Variants in PHTF2 observed in about 807,000 individuals in gnomAD.
PHTF2 encodes the protein putative homeodomain transcription factor 2, also known as protein PHTF2.
A neutral mutation model predicts 101.2 loss-of-function variants in PHTF2; 60 were observed. That is an observed-to-expected ratio of 0.59 (90% confidence interval 0.48 to 0.73). PHTF2 has a LOEUF of 0.73. PHTF2 is among the 30% of genes least tolerant of loss of function. The pLI is 0.00. For synonymous variants in PHTF2, 311 were observed against 307.3 expected, an observed-to-expected ratio of 1.01 and a Z score of -0.13; for missense variants, 747 against 908.7, an observed-to-expected ratio of 0.82 and a Z score of 2.29.
chr7:77,927,631 T>C (rs1804184328), intron 11 of PHTF2, among the ~76,000 whole-genome samples: 2 of 152,132 alleles, frequency 1.3e-5, no homozygotes, highest in African/African-American at 2.4e-5. Flanking sequence ...AGGAACAAAG[T>C]GATCACTCTA....
chr7:77,920,615 T>TA (rs766437415), intron 10 of PHTF2, 150 bp downstream of exon 9: 5 of 635,472 alleles, frequency 7.9e-6, no homozygotes, highest in Non-Finnish European at 1.1e-5. Context: ...GTAAATGAGA[T>TA]AAAGTGTTGT....
intron 19 of PHTF2, among the ~76,000 whole-genome samples, chr7:77,954,506 G>A (rs532448610): frequency 6.6e-6 from 1 of 151,064 alleles, no homozygotes; most frequent in Admixed American, 6.6e-5. Context: ...TTCTATTTTT[G>A]GCCAAAAGTT....
At chr7:77,879,158 T>C (rs1346020629) in intron 3 of PHTF2, among the ~76,000 whole-genome samples, 2 of 152,260 alleles carry the variant, frequency 1.3e-5, no homozygotes, top group Non-Finnish European at 2.9e-5. Flanking sequence ...CTTAGTGGTA[T>C]GCAATAGTAC....
At chr7:77,863,740 A>T (rs73138430) in intron 3 of PHTF2, among the ~76,000 whole-genome samples, 1 of 150,214 alleles carries the variant, frequency 6.7e-6, no homozygotes, top group Non-Finnish European at 1.5e-5. Flanking sequence ...AATAACATTT[A>T]TGATGTGCCT....
At chr7:77,950,487 C>T (rs952531457) in intron 17 of PHTF2, among the ~76,000 whole-genome samples, 6 of 151,946 alleles carry the variant, frequency 3.9e-5, no homozygotes, top group Admixed American at 2.0e-4. Flanking sequence ...AAGGTGAAAC[C>T]CCATCCCTAC....
chr7:77,942,832 T>C (rs1281315995), intron 16 of PHTF2, 46 bp downstream of exon 15: 2 of 859,432 alleles, frequency 2.3e-6, no homozygotes, highest in Non-Finnish European at 3.6e-6. Context: ...TATATAAATA[T>C]TAACTTTCAG....
exon 19 of PHTF2, chr7:77,953,825 C>T (rs2151002923): frequency 6.2e-7 from 1 of 1,612,390 alleles, no homozygotes; most frequent in South Asian, 1.1e-5. Context: ...TGCTTTATAA[C>T]ATCACCCAGG....
intron 2 of PHTF2, among the ~76,000 whole-genome samples, chr7:77,842,755 A>G (rs1455028359): frequency 6.6e-6 from 1 of 152,202 alleles, no homozygotes; most frequent in African/African-American, 2.4e-5. Context: ...GTCGTACAAC[A>G]TTCTAAACTA....
At chr7:77,932,058 G>A (rs538336854) in intron 12 of PHTF2, among the ~76,000 whole-genome samples, 3 of 152,212 alleles carry the variant, frequency 2.0e-5, no homozygotes, top group East Asian at 3.9e-4. Flanking sequence ...CTGAGATGGC[G>A]CTATTGCACT....
At chr7:77,832,001 C>T (rs1294425532) in intron 1 of PHTF2, among the ~76,000 whole-genome samples, 6 of 151,786 alleles carry the variant, frequency 4.0e-5, no homozygotes, top group Admixed American at 1.3e-4. Flanking sequence ...GATCACTGGC[C>T]AGAGGTTTTG....
At chr7:77,826,786 C>CAA (rs1443932411) in intron 1 of PHTF2, among the ~76,000 whole-genome samples, 4 of 152,124 alleles carry the variant, frequency 2.6e-5, no homozygotes, top group Non-Finnish European at 5.9e-5. Flanking sequence ...CCATGCCAAC[C>CAA]AAGTGGTTAA....
intron 18 of PHTF2, among the ~76,000 whole-genome samples, chr7:77,952,949 G>A (rs1040272415): frequency 6.6e-6 from 1 of 151,956 alleles, no homozygotes; most frequent in Non-Finnish European, 1.5e-5. Flanking sequence ...TCTCACTTAT[G>A]CTTTTGATAC....
At position 77,885,823 on chromosome 7, in the gene PHTF2, GT is replaced by G. The variant is rs545516845; in HGVS notation, c.148-7782del. Among the ~76,000 whole-genome samples, 79 of 152,302 alleles carry G rather than the reference GT, an allele frequency of 5.2e-4. 2 individuals are homozygous for G. In the South Asian group the frequency reaches 0.016, roughly 31 times the overall value. ...TCCTGGCACATGATTGGCCTCTGAT[GT>G]TTGTTGCATGGGGTTCATCTAGGAA... On this transcript the variant is annotated intron_variant, in intron 3 of 19. Transcript: ENST00000416283.
intron 9 of PHTF2, among the ~76,000 whole-genome samples, chr7:77,913,708 C>G (rs1175554971): frequency 6.6e-6 from 1 of 152,124 alleles, no homozygotes. Flanking sequence ...CTTAACCTCC[C>G]AAAGTGTTGA....
intron 1 of PHTF2, among the ~76,000 whole-genome samples, chr7:77,824,100 C>G (rs1023434267): frequency 6.6e-6 from 1 of 151,898 alleles, no homozygotes; most frequent in African/African-American, 2.4e-5. Context: ...TAATTTATTC[C>G]TTCATAATTA....
chr7:77,905,420 T>TG (rs1356135226), intron 7 of PHTF2, among the ~76,000 whole-genome samples: 2 of 151,986 alleles, frequency 1.3e-5, no homozygotes, highest in African/African-American at 4.8e-5. Context: ...TTTGTAGAGA[T>TG]GGGGTCTTAA....
intron 3 of PHTF2, among the ~76,000 whole-genome samples, chr7:77,880,020 A>G (rs1409124261): frequency 6.6e-6 from 1 of 152,226 alleles, no homozygotes; most frequent in African/African-American, 2.4e-5. Flanking sequence ...AAAGTGGAAA[A>G]TGCAGGTTAA....
At chr7:77,868,101 G>A (rs1027798078) in intron 3 of PHTF2, among the ~76,000 whole-genome samples, 8 of 151,802 alleles carry the variant, frequency 5.3e-5, no homozygotes, top group Admixed American at 3.3e-4. Context: ...TCCTTGGATG[G>A]CATTTAGCCT....
intron 16 of PHTF2, among the ~76,000 whole-genome samples, chr7:77,945,251 T>C (rs1805954739): frequency 6.6e-6 from 1 of 152,126 alleles, no homozygotes; most frequent in Non-Finnish European, 1.5e-5. Context: ...GGCAGGAGAA[T>C]CGCTTGAACC....
Sources: allele counts gnomAD v4.1 joint callset (sites outside exome capture counted in the v4.1 genomes callset), GRCh38; gene constraint gnomAD v4.1.1; transcripts MANE v1.5; gene names NCBI Gene and HGNC (gene_info 2026-07-23, HGNC 2026-07-21).